The following HOMER1 variants were observed in gnomAD, a reference collection of about 807,000 sequenced individuals.
HOMER1 encodes homer protein homolog 1.
In HOMER1, 3 loss-of-function variants were observed where a neutral mutation model predicts 48.9. That is an observed-to-expected ratio of 0.06 (90% confidence interval 0.03 to 0.16). The LOEUF (loss-of-function observed/expected upper bound fraction) is 0.16. Ranked by LOEUF, HOMER1 falls within the 10% of genes least tolerant of loss-of-function variation. The pLI is 1.00. For synonymous variants in HOMER1, 134 were observed against 146.4 expected (o/e 0.92, Z 0.61); for missense variants, 247 against 411.4 (o/e 0.60, Z 3.46).
chr5:79,442,184 A>G (rs1264803998), intron 4 of HOMER1, among the ~76,000 whole-genome samples: 3 of 152,182 alleles, frequency 2.0e-5, no homozygotes, highest in African/African-American at 7.2e-5. Context: ...AAAGGACAGT[A>G]ACACTGAAGA....
In HOMER1 at chr5:79,436,070, G is replaced by C. The variant is rs1338000204; in HGVS notation, c.527+2940C>G. The stretch of plus-strand genomic sequence containing the variant: ...GAACCCGGGAAGCGGAGCTTGCAGT[G>C]AGCCGAGATTGCGCCACTGCAGTCC... On this transcript the variant is annotated intron_variant, in intron 5 of 8. Transcript: ENST00000334082. Among the ~76,000 whole-genome samples, 3 of 151,064 alleles carry C rather than the reference G, an allele frequency of 2.0e-5. No homozygotes were observed. The East Asian group carries it at 5.8e-4, about 29-fold the overall frequency.
intron 1 of HOMER1, chr5:79,510,421 T>C: frequency 1.5e-6 from 1 of 658,098 alleles, no homozygotes; most frequent in African/African-American, 1.8e-5. Context: ...GAGCCGCGCC[T>C]TAAGGTGCAG....
Position 79,513,119 on chromosome 5 carries a change from A to T in HOMER1, c.-345T>A. 1 of 318,680 alleles carries T rather than the reference A, an allele frequency of 3.1e-6. No individual in the cohort carries two copies. Among genetic ancestry groups the T allele is most frequent in the Non-Finnish European group, 5.8e-6 (1 of 171,956 alleles). 19.7% of individuals were successfully genotyped at this position (318,680 alleles called of 1,614,324 possible). A position where few individuals can be genotyped will look rare whatever the true frequency, so the allele number is the denominator to read the frequency against. On this transcript the variant is annotated 5_prime_UTR_variant, in exon 1 of 9. It removes an upstream start codon present in the reference 5' UTR. Coordinates refer to ENST00000334082, the MANE Select transcript of HOMER1 (RefSeq NM_004272.5). Reference sequence around the variant, plus strand: ...CCTATAAAAAATGAGTTCGCTGGTCATTTCACTCATGTCCTCCTCGACACT... The same window carrying T: ...CCTATAAAAAATGAGTTCGCTGGTCTTTTCACTCATGTCCTCCTCGACACT...
chr5:79,411,296 G>A (rs550441424), intron 5 of HOMER1, among the ~76,000 whole-genome samples: 23 of 152,130 alleles, frequency 1.5e-4, no homozygotes, highest in Admixed American at 3.9e-4. Context: ...GCCAGCCTGG[G>A]CAACATGGTG....
At position 79,512,984 on chromosome 5, in the gene HOMER1, G is replaced by A; in HGVS notation, c.-210C>T. On this transcript the variant is annotated 5_prime_UTR_variant, in exon 1 of 9. Coordinates refer to ENST00000334082, the MANE Select transcript of HOMER1 (RefSeq NM_004272.5). ...TAAATACCAAAACGTTCAAACAGAG[G>A]CGGCATTTGCTTATTCGAGTTAAAA... is the stretch of plus-strand genomic sequence containing the variant. 1.7e-6 allele frequency: 1 copy of A among 584,462 alleles called. No homozygotes were observed. 36.2% of individuals were successfully genotyped at this position (584,462 alleles called of 1,614,324 possible).
chr5:79,394,923 C>CT (rs749901377), intron 8 of HOMER1, among the ~76,000 whole-genome samples: 1 of 152,156 alleles, frequency 6.6e-6, no homozygotes, highest in Non-Finnish European at 1.5e-5. Flanking sequence ...TATATCATCT[C>CT]TTTGTTTCTC....
At chr5:79,427,667 TC>T (rs1435731730) in intron 5 of HOMER1, among the ~76,000 whole-genome samples, 4 of 104,396 alleles carry the variant, frequency 3.8e-5, no homozygotes, top group Admixed American at 1.0e-4. Flanking sequence ...TTCCTTCCTT[TC>T]CTTCCCTTCC....
intron 3 of HOMER1, among the ~76,000 whole-genome samples, chr5:79,448,346 C>T (rs1750941052): frequency 6.6e-6 from 1 of 152,088 alleles, no homozygotes; most frequent in African/African-American, 2.4e-5. Flanking sequence ...TTTAACATTC[C>T]ACAATAGTTA....
At chr5:79,432,187 A>T (rs1424288323) in intron 5 of HOMER1, among the ~76,000 whole-genome samples, 1 of 152,192 alleles carries the variant, frequency 6.6e-6, no homozygotes, top group Non-Finnish European at 1.5e-5. Flanking sequence ...AATCCAAAGG[A>T]AAAAAACATT....
rs1748726291 is a variant in HOMER1, at chr5:79,374,867, A to C, written c.*1142T>G. 6.6e-6 allele frequency: 1 copy of C among 152,094 alleles called. No homozygotes were observed. Among genetic ancestry groups the C allele is most frequent in the Admixed American group, 6.5e-5 (1 of 15,270 alleles). 9.4% of individuals were successfully genotyped at this position (152,094 alleles called of 1,614,324 possible). A position where few individuals can be genotyped will look rare whatever the true frequency, so the allele number is the denominator to read the frequency against. On this transcript the variant is annotated 3_prime_UTR_variant, in exon 9 of 9. Coordinates refer to ENST00000334082, the MANE Select transcript of HOMER1 (RefSeq NM_004272.5). ...TTGAAATACCTAGTTAACAATTCAG[A>C]ATATTGCCTTGTGAGGTTTGAATCA...
intron 1 of HOMER1, among the ~76,000 whole-genome samples, chr5:79,489,103 T>C (rs967486041): frequency 6.6e-6 from 1 of 152,178 alleles, no homozygotes; most frequent in African/African-American, 2.4e-5. Flanking sequence ...TCAAAGACAG[T>C]TCATCTAAAA....
At chr5:79,453,864 A>T (rs939245588) in intron 2 of HOMER1, among the ~76,000 whole-genome samples, 1 of 152,182 alleles carries the variant, frequency 6.6e-6, no homozygotes, top group Admixed American at 6.5e-5. Context: ...TGGAGAAAAC[A>T]CTTGTTTAGC....
intron 3 of HOMER1, among the ~76,000 whole-genome samples, chr5:79,449,465 A>ATAG (rs371447971): frequency 6.4e-5 from 2 of 31,476 alleles, no homozygotes; most frequent in African/African-American, 8.8e-4. Context: ...AACCAAAATG[A>ATAG]TATTTGTTTG....
At chr5:79,432,806 C>A (rs1255996141) in intron 5 of HOMER1, among the ~76,000 whole-genome samples, 1 of 151,884 alleles carries the variant, frequency 6.6e-6, no homozygotes, top group African/African-American at 2.4e-5. Context: ...AAATTACTAC[C>A]GTACTTCTTG....
chr5:79,414,867 T>C (rs1749902701), intron 5 of HOMER1, among the ~76,000 whole-genome samples: 1 of 152,194 alleles, frequency 6.6e-6, no homozygotes, highest in Non-Finnish European at 1.5e-5. Context: ...ACAATATAGT[T>C]GGCTATAGGT....
chr5:79,511,086 A>G (rs1291120777), intron 1 of HOMER1, among the ~76,000 whole-genome samples: 1 of 152,204 alleles, frequency 6.6e-6, no homozygotes, highest in Non-Finnish European at 1.5e-5. Flanking sequence ...AAGGTTCTGG[A>G]AAACTGATTT....
In HOMER1 at chr5:79,396,923, G is replaced by A. The variant is rs762638105; in HGVS notation, c.796-20C>T. 3 of 1,364,690 alleles carry A rather than the reference G, an allele frequency of 2.2e-6. No individual in the cohort carries two copies. The highest frequency in any genetic ancestry group is 1.7e-5 in the Admixed American group (1 of 57,516). 84.5% of individuals were successfully genotyped at this position (1,364,690 alleles called of 1,614,324 possible). A position where few individuals can be genotyped will look rare whatever the true frequency, so the allele number is the denominator to read the frequency against. The stretch of plus-strand genomic sequence containing the variant: ...TATTTCCTAGAAAAGACAGAGCAAT[G>A]TCTTAACATTCAAACTATATCAAGG... On this transcript the variant is annotated intron_variant, in intron 7 of 8. Coordinates refer to ENST00000334082, the MANE Select transcript of HOMER1 (RefSeq NM_004272.5).
In HOMER1 at chr5:79,512,813, A is replaced by C; in HGVS notation, c.-39T>G. 1 of 1,608,928 alleles carries C rather than the reference A, an allele frequency of 6.2e-7. No homozygotes were observed. The highest frequency in any genetic ancestry group is 8.5e-7 in the Non-Finnish European group (1 of 1,175,538). Reference sequence around the variant, plus strand: ...AACTTGCTCTGAAGTTTCAGCTCTTATGCTACGGAATAACTTCCAAAGGAA... The same window carrying C: ...AACTTGCTCTGAAGTTTCAGCTCTTCTGCTACGGAATAACTTCCAAAGGAA... On this transcript the variant is annotated 5_prime_UTR_variant, in exon 1 of 9. Coordinates refer to ENST00000334082, the MANE Select transcript of HOMER1 (RefSeq NM_004272.5).
intron 1 of HOMER1, among the ~76,000 whole-genome samples, chr5:79,460,733 C>G (rs548602012): frequency 6.6e-6 from 1 of 152,166 alleles, no homozygotes; most frequent in Non-Finnish European, 1.5e-5. Flanking sequence ...CTATTGGCAT[C>G]TAGTGGGTAG....
Sources: allele counts gnomAD v4.1 joint callset (sites outside exome capture counted in the v4.1 genomes callset), GRCh38; gene constraint gnomAD v4.1.1; transcripts MANE v1.5; gene names NCBI Gene and HGNC (gene_info 2026-07-23, HGNC 2026-07-21).